The following ADAMTSL1 variants were observed in gnomAD, a reference collection of about 807,000 sequenced individuals.
ADAMTSL1 encodes ADAMTS like 1.
Under a neutral mutation model 201.8 loss-of-function variants are expected in ADAMTSL1, and 126 were observed. The ratio of observed to expected loss-of-function variants is 0.62; its 90% CI spans 0.54 to 0.72. The LOEUF is 0.72. Ranked by LOEUF, ADAMTSL1 falls within the 30% of genes least tolerant of loss-of-function variation. The pLI is 0.00. For synonymous variants in ADAMTSL1, 1,121 were observed against 903.4 expected (o/e 1.24, Z -4.32); for missense variants, 2,679 against 2,277.8 (o/e 1.18, Z -3.59).
intron 1 of ADAMTSL1, among the ~76,000 whole-genome samples, chr9:17,963,880 A>T (rs925974519): frequency 6.6e-6 from 1 of 152,142 alleles, no homozygotes; most frequent in Non-Finnish European, 1.5e-5. Context: ...CGGAATCCTC[A>T]GTGACAGCTG....
chr9:18,110,593 T>C (rs1011598231), intron 1 of ADAMTSL1, among the ~76,000 whole-genome samples: 2 of 152,142 alleles, frequency 1.3e-5, no homozygotes, highest in Non-Finnish European at 2.9e-5. Context: ...CACTGTCTCT[T>C]TTGTAAGAGA....
chr9:18,783,333 A>G (rs1187524642), intron 19 of ADAMTSL1, among the ~76,000 whole-genome samples: 1 of 152,226 alleles, frequency 6.6e-6, no homozygotes, highest in African/African-American at 2.4e-5. Context: ...CAAAAATCCA[A>G]CGTGCATAAT....
intron 13 of ADAMTSL1, 26 bp downstream of exon 13, chr9:18,684,826 C>A: frequency 1.3e-6 from 2 of 1,590,622 alleles, no homozygotes; most frequent in Non-Finnish European, 1.7e-6. Flanking sequence ...ACAGACTGTT[C>A]TATATTTGAA....
rs534380249 is a variant in ADAMTSL1 at position 17,989,784 on chromosome 9, G to A, written c.87+82862G>A. 2.0e-5 allele frequency among the ~76,000 whole-genome samples: 3 copies of A among 151,334 alleles called. No individual in the cohort carries two copies. In the South Asian group the frequency reaches 6.2e-4, roughly 31 times the overall value. ...TAGTCATTTTTTCATATGTTTGTTG[G>A]ACATTGACATTTTAAGCCTTTTCAA... is the stretch of plus-strand genomic sequence containing the variant. On this transcript the variant is annotated intron_variant, in intron 1 of 29. Transcript: ENST00000680146.
intron 1 of ADAMTSL1, among the ~76,000 whole-genome samples, chr9:18,503,740 A>G (rs2131924772): frequency 6.6e-6 from 1 of 152,240 alleles, no homozygotes; most frequent in Middle Eastern, 3.4e-3. Flanking sequence ...GATTCAGGAA[A>G]CTAAGTATAG....
At chr9:18,755,581 C>T (rs1189380384) in intron 16 of ADAMTSL1, among the ~76,000 whole-genome samples, 1 of 152,154 alleles carries the variant, frequency 6.6e-6, no homozygotes, top group Non-Finnish European at 1.5e-5. Flanking sequence ...GACATTGACT[C>T]ATGATGCTTT....
intron 2 of ADAMTSL1, among the ~76,000 whole-genome samples, chr9:18,448,975 G>A (rs930892377): frequency 6.6e-6 from 1 of 151,736 alleles, no homozygotes; most frequent in Non-Finnish European, 1.5e-5. Context: ...ATGCTTTATT[G>A]AAAATACTAA....
At chr9:18,003,532 C>G (rs1819695968) in intron 1 of ADAMTSL1, among the ~76,000 whole-genome samples, 1 of 152,066 alleles carries the variant, frequency 6.6e-6, no homozygotes, top group Non-Finnish European at 1.5e-5. Context: ...TTTACTGCAA[C>G]ATGAATCAGC....
chr9:18,876,739 A>G (rs1828186209), intron 23 of ADAMTSL1, among the ~76,000 whole-genome samples: 1 of 152,126 alleles, frequency 6.6e-6, no homozygotes, highest in African/African-American at 2.4e-5. Flanking sequence ...CTAGATGATG[A>G]TCTTTTTGCA....
intron 1 of ADAMTSL1, among the ~76,000 whole-genome samples, chr9:18,030,967 C>A (rs960597148): frequency 6.6e-6 from 1 of 152,072 alleles, no homozygotes; most frequent in Non-Finnish European, 1.5e-5. Flanking sequence ...TTAAGGCTTT[C>A]AATTGTATTT....
At chr9:18,237,577 G>A (rs11795249) in intron 2 of ADAMTSL1, among the ~76,000 whole-genome samples, 12 of 152,124 alleles carry the variant, frequency 7.9e-5, no homozygotes, top group Admixed American at 2.6e-4. Flanking sequence ...ACAACGTCCT[G>A]TTATATAGAA....
intron 1 of ADAMTSL1, among the ~76,000 whole-genome samples, chr9:17,989,115 C>A (rs1174963296): frequency 1.3e-5 from 2 of 151,600 alleles, no homozygotes; most frequent in Non-Finnish European, 3.0e-5. Flanking sequence ...TTTAAATTTT[C>A]TTTATTTAAA....
rs538053917 is a variant in ADAMTSL1 at position 18,274,854 on chromosome 9, C to T, written c.207+110873C>T. ...TCAGCACTTCCATTGTAAGCCTGTA[C>T]TTTGAGGAATTTGGAATTTGGCCAA... is the stretch of plus-strand genomic sequence containing the variant. On this transcript the variant is annotated intron_variant, in intron 2 of 29. Transcript: ENST00000680146. Among the ~76,000 whole-genome samples the T allele has an allele frequency of 2.6e-5, 4 of 152,318 alleles. No homozygotes were observed. In the South Asian group the frequency reaches 8.3e-4, roughly 32 times the overall value.
At chr9:18,831,838 GAGATGAATGAGA>G (rs1478422194) in intron 23 of ADAMTSL1, among the ~76,000 whole-genome samples, 1 of 152,132 alleles carries the variant, frequency 6.6e-6, no homozygotes, top group African/African-American at 2.4e-5. Flanking sequence ...TGGAATTGTG[GAGATGAATGAGA>G]AAATGATGTC....
intron 23 of ADAMTSL1, among the ~76,000 whole-genome samples, chr9:18,882,723 G>A (rs1456043537): frequency 6.6e-6 from 1 of 152,154 alleles, no homozygotes; most frequent in Non-Finnish European, 1.5e-5. Flanking sequence ...GCCAGGCAAG[G>A]TGGCTCACAC....
intron 1 of ADAMTSL1, among the ~76,000 whole-genome samples, chr9:17,976,451 A>G (rs1356590359): frequency 1.3e-5 from 2 of 151,940 alleles, no homozygotes; most frequent in Non-Finnish European, 1.5e-5. Flanking sequence ...CTCCTTGCTT[A>G]AATTTGTTCC....
chr9:18,065,325 T>C (rs1822647617), intron 1 of ADAMTSL1, among the ~76,000 whole-genome samples: 1 of 152,156 alleles, frequency 6.6e-6, no homozygotes, highest in African/African-American at 2.4e-5. Flanking sequence ...AGACTGCATG[T>C]CTTTAAGGAT....
At chr9:18,061,076 T>A (rs1470708839) in intron 1 of ADAMTSL1, among the ~76,000 whole-genome samples, 1 of 152,186 alleles carries the variant, frequency 6.6e-6, no homozygotes, top group Non-Finnish European at 1.5e-5. Context: ...AAGAATGAAC[T>A]TTATTTTTTG....
chr9:18,489,458 C>T (rs768907410), intron 1 of ADAMTSL1, among the ~76,000 whole-genome samples: 1 of 152,290 alleles, frequency 6.6e-6, no homozygotes, highest in East Asian at 1.9e-4. Flanking sequence ...AGAAATCCTC[C>T]AGTTACCAGG....
Sources: allele counts gnomAD v4.1 joint callset (sites outside exome capture counted in the v4.1 genomes callset), GRCh38; gene constraint gnomAD v4.1.1; transcripts MANE v1.5; gene names NCBI Gene and HGNC (gene_info 2026-07-23, HGNC 2026-07-21).